ASH1L: variants seen among roughly 807,000 people sequenced by gnomAD.
ASH1L encodes histone-lysine N-methyltransferase ASH1L.
In ASH1L, 23 loss-of-function variants were observed where a neutral mutation model predicts 269.0. The ratio of observed to expected loss-of-function variants is 0.09; its 90% CI spans 0.06 to 0.12. The LOEUF is 0.12. Ranked by LOEUF, ASH1L falls within the 10% of genes least tolerant of loss-of-function variation. The probability of loss-of-function intolerance (pLI) is 1.00; values close to 1 mark genes in which losing one functional copy is unlikely to be tolerated. For synonymous variants in ASH1L, 1,187 were observed against 1,253.5 expected, an observed-to-expected ratio of 0.95 and a Z score of 1.12; for missense variants, 2,912 against 3,567.8, an observed-to-expected ratio of 0.82 and a Z score of 4.68.
chr1:155,529,145 A>G (rs931199597), intron 1 of ASH1L, among the ~76,000 whole-genome samples: 1 of 152,136 alleles, frequency 6.6e-6, no homozygotes, highest in African/African-American at 2.4e-5. Flanking sequence ...TATTGTGAAT[A>G]GTGCTGCAAT....
chr1:155,543,377 G>A (rs937571984), intron 1 of ASH1L, among the ~76,000 whole-genome samples: 2 of 151,756 alleles, frequency 1.3e-5, no homozygotes, highest in Non-Finnish European at 2.9e-5. Flanking sequence ...CAGGCATGGT[G>A]GCAGGTGCCT....
At chr1:155,428,573 G>A (rs1274781167) in intron 5 of ASH1L, among the ~76,000 whole-genome samples, 2 of 152,032 alleles carry the variant, frequency 1.3e-5, no homozygotes, top group South Asian at 2.1e-4. Flanking sequence ...TGACACCCAC[G>A]CTGGAAGGCT....
intron 6 of ASH1L, among the ~76,000 whole-genome samples, chr1:155,398,794 C>T (rs1658577220): frequency 6.6e-6 from 1 of 152,112 alleles, no homozygotes; most frequent in African/African-American, 2.4e-5. Flanking sequence ...GCAGCTGCAG[C>T]CTCAACCTCC....
chr1:155,422,146 ATTC>A (rs1660736559), intron 5 of ASH1L, among the ~76,000 whole-genome samples: 1 of 151,702 alleles, frequency 6.6e-6, no homozygotes, highest in Admixed American at 6.6e-5. Flanking sequence ...CTTCACTTTT[ATTC>A]TTTTTTGAGT....
In ASH1L at chr1:155,354,487, C is replaced by T; in HGVS notation, c.7199G>A (p.Gly2400Glu). The change falls in exon 16 of 28, where the codon GGG (glycine) becomes GAG (glutamate). Residue 2400 changes from glycine (G) to glutamate (E), a missense_variant. Around this residue, in one of 13 missense-constraint regions of ASH1L, gnomAD observed 309 missense variants for 435.1 expected, o/e 0.71. Transcript: ENST00000392403. ...AAATGCCTTACCAGACTTGATATTC[C>T]CATCATCTCGGCAGATCCCATTCCA... Reference protein sequence around the residue: ...TRWNGICRDDGNIKSDVFMTQ... With the variant: ...TRWNGICRDDENIKSDVFMTQ... The T allele has an allele frequency of 1.9e-6, 3 of 1,606,484 alleles. No individual in the cohort carries two copies. Among genetic ancestry groups the T allele is most frequent in the Non-Finnish European group, 2.5e-6 (3 of 1,178,104 alleles).
rs551389355 is a variant in ASH1L at position 155,418,452 on chromosome 1, G to A, written c.5829-2529C>T. On this transcript the variant is annotated intron_variant, in intron 5 of 27. Transcript: ENST00000392403. ...GCAATAGAAACAACACAAACTGATAGAGATTAAAGAAAAGAATAAATTATG... is the reference window on the plus strand; with the variant it reads ...GCAATAGAAACAACACAAACTGATAAAGATTAAAGAAAAGAATAAATTATG... Among the ~76,000 whole-genome samples, 34 of 152,094 alleles carry A rather than the reference G, an allele frequency of 2.2e-4. 1 individual carries two copies. Among genetic ancestry groups the A allele is most frequent in the Admixed American group, 1.0e-3 (16 of 15,260 alleles).
rs538410898 is a variant in ASH1L at position 155,554,324 on chromosome 1, G to A, written c.-100+7829C>T. ...TTTCACTCTTCTTGCCCAGGCTGGA[G>A]TGCAATGGCACAATCTCGGCTCACT... On this transcript the variant is annotated intron_variant, in intron 1 of 27. Transcript: ENST00000392403. 1.7e-4 allele frequency among the ~76,000 whole-genome samples: 26 copies of A among 151,862 alleles called. No homozygotes were observed. The Middle Eastern group carries it at 0.02, about 119-fold the overall frequency.
At chr1:155,473,770 G>A (rs1277637035) in intron 3 of ASH1L, among the ~76,000 whole-genome samples, 1 of 152,112 alleles carries the variant, frequency 6.6e-6, no homozygotes, top group Non-Finnish European at 1.5e-5. Context: ...AAAGTGTTGA[G>A]ATTACAGGCA....
In ASH1L at chr1:155,408,585, A is replaced by G. The variant is rs1202410956; in HGVS notation, c.6008+7159T>C. Among the ~76,000 whole-genome samples the G allele has an allele frequency of 3.9e-5, 6 of 152,344 alleles. No homozygotes were observed. In the East Asian group the frequency reaches 1.2e-3, roughly 29 times the overall value. On this transcript the variant is annotated intron_variant, in intron 6 of 27. Transcript: ENST00000392403. Reference sequence around the variant, plus strand: ...AAAAACTAAATCCTCACTACTCCGAACAGCAGAAAGCAGGGAAGTGCTCAA... The same window carrying G: ...AAAAACTAAATCCTCACTACTCCGAGCAGCAGAAAGCAGGGAAGTGCTCAA...
At chr1:155,433,492 G>A (rs776875070) in intron 5 of ASH1L, 21 of 1,610,250 alleles carry the variant, frequency 1.3e-5, no homozygotes, top group Admixed American at 1.2e-4. Flanking sequence ...TCAGGGTGGA[G>A]AGCAACTCCG....
chr1:155,365,981 G>A (rs1376738918), intron 12 of ASH1L, among the ~76,000 whole-genome samples: 1 of 151,754 alleles, frequency 6.6e-6, no homozygotes, highest in African/African-American at 2.4e-5. Flanking sequence ...AAGGGAGGGG[G>A]AAAATGTCAG....
intron 26 of ASH1L, 88 bp downstream of exon 26, chr1:155,339,240 G>T: frequency 8.3e-7 from 1 of 1,199,764 alleles, no homozygotes; most frequent in South Asian, 1.2e-5. Flanking sequence ...CCTAGAAGTG[G>T]AGCTGAGTGG....
intron 1 of ASH1L, among the ~76,000 whole-genome samples, chr1:155,525,064 A>G (rs1057092381): frequency 6.6e-6 from 1 of 152,104 alleles, no homozygotes; most frequent in Admixed American, 6.6e-5. Context: ...TCTAGCAAAC[A>G]CAGCAAGACC....
intron 1 of ASH1L, among the ~76,000 whole-genome samples, chr1:155,554,307 T>C (rs905429174): frequency 4.6e-5 from 7 of 151,336 alleles, no homozygotes; most frequent in Admixed American, 4.6e-4. Context: ...AGTTTCACTC[T>C]TCTTGCCCAG....
intron 16 of ASH1L, 148 bp from the exon 17 acceptor site, chr1:155,353,006 A>G (rs1654065649): frequency 1.4e-6 from 1 of 712,866 alleles, no homozygotes; most frequent in African/African-American, 1.8e-5. Flanking sequence ...ATCTTCTGTA[A>G]TGAAAAATCA....
At chr1:155,351,198 T>C (rs1417869773) in intron 17 of ASH1L, among the ~76,000 whole-genome samples, 3 of 151,078 alleles carry the variant, frequency 2.0e-5, no homozygotes, top group African/African-American at 7.3e-5. Context: ...TGAGCCAAGA[T>C]TGTGCCACTG....
At chr1:155,408,285 T>C (rs1181248855) in intron 6 of ASH1L, among the ~76,000 whole-genome samples, 1 of 152,220 alleles carries the variant, frequency 6.6e-6, no homozygotes, top group South Asian at 2.1e-4. Flanking sequence ...GCTGCTAAAT[T>C]TGTGATAATT....
At chr1:155,338,533 C>A (rs1652508230) in intron 26 of ASH1L, 143 bp from the exon 27 acceptor site, 2 of 621,720 alleles carry the variant, frequency 3.2e-6, no homozygotes, top group South Asian at 2.5e-5. Flanking sequence ...CTCTCGTTTT[C>A]ACTTTATATT....
chr1:155,363,881 G>C (rs1251597928), intron 12 of ASH1L, among the ~76,000 whole-genome samples: 1 of 151,896 alleles, frequency 6.6e-6, no homozygotes, highest in Non-Finnish European at 1.5e-5. Context: ...GCTGAGGCAC[G>C]AGAATCGCTT....
Sources: gnomAD v4.1 joint callset for allele counts (sites outside exome capture counted in the v4.1 genomes callset) on GRCh38, gnomAD v4.1.1 for gene constraint, gnomAD v4.1.1 regional missense constraint, MANE v1.5 for transcripts, NCBI Gene and HGNC (gene_info 2026-07-23, HGNC 2026-07-21) for gene names.